The following MEGF10 variants were observed in gnomAD, a reference collection of about 807,000 sequenced individuals.
The protein encoded by MEGF10 is multiple epidermal growth factor-like domains protein 10.
Under a neutral mutation model 147.5 loss-of-function variants are expected in MEGF10, and 86 were observed. That is an observed-to-expected ratio of 0.58 (90% CI 0.49 to 0.70). MEGF10 has a LOEUF of 0.70. Ranked by LOEUF, MEGF10 falls within the 30% of genes least tolerant of loss-of-function variation. The pLI is 0.00. For missense variants in MEGF10, 1,329 were observed against 1,487.3 expected (o/e 0.89, Z 1.75); for synonymous variants, 478 against 525.5 (o/e 0.91, Z 1.24).
intron 3 of MEGF10, among the ~76,000 whole-genome samples, chr5:127,339,988 A>G (rs1359273077): frequency 6.6e-6 from 1 of 152,202 alleles, no homozygotes; most frequent in Non-Finnish European, 1.5e-5. Context: ...ATTCAGCCAG[A>G]TCTGTCTTCC....
At chr5:127,336,853 T>C (rs73785583) in intron 2 of MEGF10, among the ~76,000 whole-genome samples, 2,208 of 152,188 alleles carry the variant, frequency 0.015, 54 homozygotes, top group African/African-American at 0.05. Flanking sequence ...GTTGCTCTAT[T>C]TTGCTCATAG....
chr5:127,378,912 A>G (rs559737710), intron 5 of MEGF10, among the ~76,000 whole-genome samples: 12 of 151,724 alleles, frequency 7.9e-5, no homozygotes, highest in African/African-American at 2.9e-4. Flanking sequence ...TCCTTACCAG[A>G]TGAAATCATA....
At chr5:127,451,644 C>G (rs1766158912) in intron 22 of MEGF10, among the ~76,000 whole-genome samples, 1 of 152,148 alleles carries the variant, frequency 6.6e-6, no homozygotes, top group African/African-American at 2.4e-5. Context: ...TGTGAAGACT[C>G]CAGAAGATAC....
At chr5:127,324,891 T>G (rs868362079) in intron 1 of MEGF10, among the ~76,000 whole-genome samples, 2 of 152,352 alleles carry the variant, frequency 1.3e-5, no homozygotes, top group Middle Eastern at 3.4e-3. Flanking sequence ...TCTCTTTGCC[T>G]TGTGGCCCCT....
Position 127,447,480 on chromosome 5 carries a change from TTTG to T in MEGF10, c.2729-74_2729-72del, listed in dbSNP as rs1218188362. On this transcript the variant is annotated intron_variant, in intron 20 of 24. Coordinates refer to ENST00000503335, the MANE Select transcript of MEGF10 (RefSeq NM_001256545.2). ...GCGTGAGCCACCTCGCTGGGCCTGT[TTTG>T]TTATTTTGATTCCCTTTTTTCACAC... 2.5e-6 allele frequency: 4 copies of T among 1,593,370 alleles called. No individual in the cohort carries two copies. In the African/African-American group the frequency reaches 5.4e-5, roughly 21 times the overall value.
chr5:127,285,934 G>A (rs1488334654), upstream of MEGF10, among the ~76,000 whole-genome samples: 2 of 152,056 alleles, frequency 1.3e-5, no homozygotes, highest in African/African-American at 4.8e-5. Context: ...TTGATGAATG[G>A]ATTAAAAAAC....
intron 22 of MEGF10, among the ~76,000 whole-genome samples, chr5:127,450,950 G>C (rs956129808): frequency 3.3e-5 from 5 of 151,976 alleles, no homozygotes; most frequent in Admixed American, 6.6e-5. Flanking sequence ...GTAGAGACAG[G>C]GTTTCTCCAT....
chr5:127,267,302 TG>T, the MEGF10 span, among the ~76,000 whole-genome samples: 1,456 of 152,330 alleles, frequency 9.6e-3, 18 homozygotes, highest in African/African-American at 0.033. Flanking sequence ...AGCTTTTTGA[TG>T]TGCTGCTGGA....
chr5:127,409,010 G>A (rs1250969439), intron 8 of MEGF10, among the ~76,000 whole-genome samples: 2 of 152,116 alleles, frequency 1.3e-5, no homozygotes, highest in African/African-American at 2.4e-5. Context: ...CCAGGAGTTC[G>A]AGGTTACAGT....
intron 4 of MEGF10, among the ~76,000 whole-genome samples, chr5:127,345,574 G>A (rs1761854272): frequency 6.6e-6 from 1 of 152,158 alleles, no homozygotes; most frequent in Non-Finnish European, 1.5e-5. Flanking sequence ...GTGATTCCTT[G>A]TGGTGGTTTT....
intron 4 of MEGF10, among the ~76,000 whole-genome samples, chr5:127,364,729 C>G (rs1443179556): frequency 2.0e-5 from 3 of 152,144 alleles, no homozygotes; most frequent in Non-Finnish European, 4.4e-5. Context: ...GAAGTCAACT[C>G]TCTGTTTGCT....
At chr5:127,441,017 C>G in intron 18 of MEGF10, 150 bp downstream of exon 18, 1 of 1,021,344 alleles carries the variant, frequency 9.8e-7, no homozygotes, top group Non-Finnish European at 1.4e-6. Flanking sequence ...GACTTCCCCT[C>G]CCAGAGGTCA....
At chr5:127,362,524 C>T (rs530571883) in intron 4 of MEGF10, among the ~76,000 whole-genome samples, 22 of 151,970 alleles carry the variant, frequency 1.4e-4, no homozygotes, top group East Asian at 1.2e-3. Flanking sequence ...CCACCACGCC[C>T]GGCTAATTTT....
chr5:127,235,978 CTT>C, the MEGF10 span, among the ~76,000 whole-genome samples: 36 of 148,100 alleles, frequency 2.4e-4, no homozygotes, highest in Non-Finnish European at 2.7e-4. Context: ...GGTCGGCAAA[CTT>C]TTTTTTTTTT....
the MEGF10 span, among the ~76,000 whole-genome samples, chr5:127,276,510 G>C: frequency 6.6e-6 from 1 of 152,192 alleles, no homozygotes; most frequent in African/African-American, 2.4e-5. Context: ...GCAACTCTGT[G>C]GTTTGGGCAA....
intron 3 of MEGF10, among the ~76,000 whole-genome samples, chr5:127,339,589 G>C (rs981462783): frequency 2.0e-5 from 3 of 152,014 alleles, no homozygotes; most frequent in African/African-American, 7.2e-5. Context: ...ACTCAATTTA[G>C]GCTAACTTAA....
intron 4 of MEGF10, among the ~76,000 whole-genome samples, chr5:127,368,515 G>A (rs1289160961): frequency 6.6e-6 from 1 of 152,084 alleles, no homozygotes; most frequent in Non-Finnish European, 1.5e-5. Flanking sequence ...TCACAATAAA[G>A]CCCCAACACC....
At chr5:127,386,023 G>A (rs1365816223) in intron 5 of MEGF10, among the ~76,000 whole-genome samples, 3 of 152,158 alleles carry the variant, frequency 2.0e-5, no homozygotes, top group Non-Finnish European at 2.9e-5. Context: ...TGGGAGGATC[G>A]ATCAAGCCCA....
chr5:127,407,628 C>T lies in MEGF10; in HGVS notation c.918-2761C>T, dbSNP rs554019203. Among the ~76,000 whole-genome samples the T allele has an allele frequency of 2.2e-3, 339 of 152,236 alleles. 1 individual carries two copies. Among genetic ancestry groups the T allele is most frequent in the Middle Eastern group, 3.4e-3 (1 of 294 alleles). ...TCTTTATTACTTTTCTGCTATCTGT[C>T]CTAAGAAAATGCATTTCCTATTTCA... On this transcript the variant is annotated intron_variant, in intron 8 of 24. Coordinates refer to ENST00000503335, the MANE Select transcript of MEGF10 (RefSeq NM_001256545.2).
Sources: gnomAD v4.1 joint callset for allele counts (sites outside exome capture counted in the v4.1 genomes callset) on GRCh38, gnomAD v4.1.1 for gene constraint, MANE v1.5 for transcripts, NCBI Gene and HGNC (gene_info 2026-07-23, HGNC 2026-07-21) for gene names.